The following FSTL5 variants were observed in gnomAD, a reference collection of about 807,000 sequenced individuals.
The protein encoded by FSTL5 is follistatin like 5, also known as follistatin-related protein 5.
In FSTL5, 62 loss-of-function variants were observed where a neutral mutation model predicts 89.1. That is an observed-to-expected ratio of 0.70 (90% CI 0.57 to 0.86). The LOEUF is 0.86. FSTL5 is among the 40% of genes least tolerant of loss of function. The pLI, the probability that FSTL5 is intolerant of heterozygous loss-of-function variation, is 0.00. For missense variants in FSTL5, 1,057 were observed against 1,001.6 expected, an observed-to-expected ratio of 1.06 and a Z score of -0.75; for synonymous variants, 383 against 346.2, an observed-to-expected ratio of 1.11 and a Z score of -1.18.
intron 2 of FSTL5, among the ~76,000 whole-genome samples, chr4:162,098,010 T>C (rs1284813514): frequency 1.3e-5 from 2 of 151,928 alleles, no homozygotes; most frequent in South Asian, 2.1e-4. Flanking sequence ...AGGATGTCCA[T>C]AGCAGCTTTA....
intron 4 of FSTL5, among the ~76,000 whole-genome samples, chr4:161,839,784 G>A (rs1206893904): frequency 6.6e-6 from 1 of 152,074 alleles, no homozygotes; most frequent in East Asian, 1.9e-4. Context: ...TGATTGGAGT[G>A]GTGATTACAT....
intron 4 of FSTL5, among the ~76,000 whole-genome samples, chr4:161,842,822 G>C (rs941468489): frequency 6.6e-6 from 1 of 151,976 alleles, no homozygotes; most frequent in Admixed American, 6.6e-5. Context: ...TATTTTATAA[G>C]ACATGACAAT....
At chr4:161,971,773 C>T (rs1041847621) in intron 3 of FSTL5, among the ~76,000 whole-genome samples, 1 of 152,056 alleles carries the variant, frequency 6.6e-6, no homozygotes, top group African/African-American at 2.4e-5. Flanking sequence ...TCCCCAAAAT[C>T]CAAACAAACA....
chr4:161,764,806 G>T (rs191731282), intron 5 of FSTL5, among the ~76,000 whole-genome samples: 2 of 152,070 alleles, frequency 1.3e-5, no homozygotes, highest in South Asian at 4.1e-4. Flanking sequence ...AATGCATCTT[G>T]ACCATCTAAA....
intron 6 of FSTL5, among the ~76,000 whole-genome samples, chr4:161,663,276 A>C (rs1736777306): frequency 6.6e-6 from 1 of 152,136 alleles, no homozygotes; most frequent in Non-Finnish European, 1.5e-5. Context: ...CCAAAAGTCC[A>C]CAGTCCAAAG....
At chr4:162,078,359 C>T (rs1729952578) in intron 2 of FSTL5, among the ~76,000 whole-genome samples, 1 of 151,808 alleles carries the variant, frequency 6.6e-6, no homozygotes, top group Non-Finnish European at 1.5e-5. Flanking sequence ...AATCCCAACA[C>T]CTAGAAGCGG....
At chr4:161,425,516 G>A (rs888148462) in intron 15 of FSTL5, among the ~76,000 whole-genome samples, 13 of 152,132 alleles carry the variant, frequency 8.5e-5, no homozygotes, top group East Asian at 1.9e-4. Context: ...TGAATGATTC[G>A]TGTATCACAT....
chr4:161,447,498 A>G (rs1424428618), intron 15 of FSTL5, among the ~76,000 whole-genome samples: 2 of 152,086 alleles, frequency 1.3e-5, no homozygotes, highest in Non-Finnish European at 2.9e-5. Flanking sequence ...GAGCACAGTT[A>G]ACACAGAACA....
At chr4:161,536,092 C>A (rs746546392) in intron 10 of FSTL5, among the ~76,000 whole-genome samples, 1 of 151,808 alleles carries the variant, frequency 6.6e-6, no homozygotes, top group African/African-American at 2.4e-5. Flanking sequence ...ACTAAAGGAG[C>A]GAAGTATGAA....
At chr4:161,586,468 C>T (rs1184849368) in intron 8 of FSTL5, among the ~76,000 whole-genome samples, 1 of 152,164 alleles carries the variant, frequency 6.6e-6, no homozygotes, top group African/African-American at 2.4e-5. Context: ...CTCTCTCACA[C>T]TCACATGCTA....
intron 3 of FSTL5, among the ~76,000 whole-genome samples, chr4:162,002,781 A>G (rs1286505555): frequency 6.9e-6 from 1 of 145,236 alleles, no homozygotes; most frequent in Admixed American, 7.1e-5. Context: ...CAAATACCAC[A>G]TTTATTATTG....
intron 4 of FSTL5, among the ~76,000 whole-genome samples, chr4:161,801,243 T>A (rs1170713997): frequency 2.6e-5 from 4 of 151,636 alleles, no homozygotes; most frequent in African/African-American, 9.7e-5. Context: ...CAAAACTGCA[T>A]ATTTCCTATA....
intron 4 of FSTL5, among the ~76,000 whole-genome samples, chr4:161,917,709 C>A (rs1455172362): frequency 6.6e-6 from 1 of 151,988 alleles, no homozygotes; most frequent in Non-Finnish European, 1.5e-5. Flanking sequence ...TTTAAAGTAC[C>A]AATAAACTTT....
chr4:161,831,330 TTG>T (rs1335234943), intron 4 of FSTL5, among the ~76,000 whole-genome samples: 2 of 152,006 alleles, frequency 1.3e-5, no homozygotes, highest in African/African-American at 4.8e-5. Flanking sequence ...AAATTTTAAT[TTG>T]TTTCTCATAT....
chr4:162,028,002 CTT>C (rs1737365417), intron 3 of FSTL5, among the ~76,000 whole-genome samples: 1 of 152,030 alleles, frequency 6.6e-6, no homozygotes, highest in Non-Finnish European at 1.5e-5. Flanking sequence ...TTTTACAACA[CTT>C]AATTATTTTT....
At chr4:161,520,140 A>C (rs1487467812) in intron 10 of FSTL5, among the ~76,000 whole-genome samples, 2 of 152,158 alleles carry the variant, frequency 1.3e-5, no homozygotes, top group East Asian at 3.9e-4. Flanking sequence ...TTAGAGAAGT[A>C]GACTACTTAG....
At chr4:161,727,354 G>C (rs1436680187) in intron 6 of FSTL5, among the ~76,000 whole-genome samples, 2 of 152,114 alleles carry the variant, frequency 1.3e-5, no homozygotes. Flanking sequence ...AAATGAGAGA[G>C]CAAGGACATT....
intron 15 of FSTL5, 22 bp from the exon 16 acceptor site, chr4:161,386,471 G>A: frequency 6.5e-7 from 1 of 1,536,558 alleles, no homozygotes; most frequent in South Asian, 1.2e-5. Context: ...GAAAATCAGA[G>A]TTAGACAGGA....
intron 1 of FSTL5, among the ~76,000 whole-genome samples, chr4:162,144,290 G>A (rs971510038): frequency 2.6e-5 from 4 of 152,104 alleles, no homozygotes; most frequent in African/African-American, 9.7e-5. Context: ...TATTTGGGAG[G>A]AATTTCCATT....
Sources: gnomAD v4.1 joint callset for allele counts (sites outside exome capture counted in the v4.1 genomes callset) on GRCh38, gnomAD v4.1.1 for gene constraint, MANE v1.5 for transcripts, NCBI Gene and HGNC (gene_info 2026-07-23, HGNC 2026-07-21) for gene names.